SEMA5A: variants seen among roughly 807,000 people sequenced by gnomAD.
SEMA5A encodes semaphorin 5A, also known as semaphorin-5A.
In SEMA5A, 55 loss-of-function variants were observed where a neutral mutation model predicts 135.5. The ratio of observed to expected loss-of-function variants is 0.41; its 90% CI spans 0.33 to 0.51. The LOEUF is 0.51. Ranked by LOEUF, SEMA5A falls within the 20% of genes least tolerant of loss-of-function variation. The probability of loss-of-function intolerance (pLI) is 0.37; values close to 1 mark genes in which losing one functional copy is unlikely to be tolerated. For missense variants in SEMA5A, 1,290 were observed against 1,419.9 expected, an observed-to-expected ratio of 0.91 and a Z score of 1.47; for synonymous variants, 580 against 546.5, an observed-to-expected ratio of 1.06 and a Z score of -0.85.
Position 9,228,314 on chromosome 5 carries a change from C to T in SEMA5A, c.334-1347G>A, listed in dbSNP as rs79790265. Among the ~76,000 whole-genome samples, 664 of 152,236 alleles carry T rather than the reference C, an allele frequency of 4.4e-3. 3 individuals carry two copies. Among genetic ancestry groups the T allele is most frequent in the Non-Finnish European group, 6.9e-3 (471 of 68,010 alleles). On this transcript the variant is annotated intron_variant, in intron 6 of 22. Coordinates refer to ENST00000382496, the MANE Select transcript of SEMA5A (RefSeq NM_003966.3). Reference sequence around the variant, plus strand: ...TTAGTGAGGCTTCCTGGAGGGGGTGCTTGTAGGACACCTGTTGGACTTTAC... The same window carrying T: ...TTAGTGAGGCTTCCTGGAGGGGGTGTTTGTAGGACACCTGTTGGACTTTAC...
At chr5:9,505,515 T>C (rs1735828006) in intron 1 of SEMA5A, among the ~76,000 whole-genome samples, 1 of 152,198 alleles carries the variant, frequency 6.6e-6, no homozygotes, top group Non-Finnish European at 1.5e-5. Context: ...CTTGGAAGGC[T>C]TCTTGATTGA....
intron 5 of SEMA5A, among the ~76,000 whole-genome samples, chr5:9,297,822 AAATCACTGGGGTTACAGGTGTG>A (rs929865032): frequency 6.6e-6 from 1 of 151,606 alleles, no homozygotes; most frequent in African/African-American, 2.4e-5. Context: ...TTGGCCACCC[AAATCACTGGGGTTACAGGTGTG>A]AATCACTGGG....
intron 10 of SEMA5A, 43 bp from the exon 11 acceptor site, chr5:9,190,514 G>A (rs956059044): frequency 6.3e-7 from 1 of 1,595,430 alleles, no homozygotes. Context: ...CGGCAGCCTG[G>A]ACACCCACAG....
intron 1 of SEMA5A, among the ~76,000 whole-genome samples, chr5:9,523,825 C>T (rs1254177235): frequency 1.3e-5 from 2 of 152,242 alleles, no homozygotes; most frequent in Admixed American, 6.5e-5. Context: ...GCTCCGCTCC[C>T]TTACAGATGG....
At chr5:9,462,487 A>C (rs1460095312) in intron 1 of SEMA5A, among the ~76,000 whole-genome samples, 1 of 152,214 alleles carries the variant, frequency 6.6e-6, no homozygotes, top group Non-Finnish European at 1.5e-5. Context: ...ACATACCCAA[A>C]GGAATATATA....
chr5:9,335,803 T>C (rs548690000), intron 4 of SEMA5A, among the ~76,000 whole-genome samples: 29 of 152,192 alleles, frequency 1.9e-4, no homozygotes, highest in Admixed American at 1.2e-3. Flanking sequence ...GAGGGGAACA[T>C]AGACAAATTC....
chr5:9,077,181 G>A (rs1738115352), intron 16 of SEMA5A, among the ~76,000 whole-genome samples: 1 of 152,066 alleles, frequency 6.6e-6, no homozygotes, highest in South Asian at 2.1e-4. Flanking sequence ...CATATAAGAG[G>A]ATAGAGAAGC....
In SEMA5A at chr5:9,185,884, C is replaced by T. The variant is rs148715214; in HGVS notation, c.1273+4383G>A. ...GCCATGCTGTGGAAAAAGCCCAGAG[C>T]GGCAGCCACATGTCTGGACCAGGAG... On this transcript the variant is annotated intron_variant, in intron 11 of 22. Transcript: ENST00000382496. Among the ~76,000 whole-genome samples, 307 of 152,218 alleles carry T rather than the reference C, an allele frequency of 2.0e-3. 5 individuals are homozygous for T. The highest frequency in any genetic ancestry group is 6.9e-3 in the African/African-American group (287 of 41,528).
chr5:9,149,440 T>TA (rs1214436468), intron 12 of SEMA5A, among the ~76,000 whole-genome samples: 1 of 152,138 alleles, frequency 6.6e-6, no homozygotes, highest in East Asian at 1.9e-4. Flanking sequence ...GATCAGGAGT[T>TA]AAAGACCATC....
intron 7 of SEMA5A, 108 bp downstream of exon 7, chr5:9,226,761 G>A: frequency 1.3e-6 from 1 of 777,502 alleles, no homozygotes; most frequent in Non-Finnish European, 2.1e-6. Flanking sequence ...CTTTAGAATT[G>A]AACAGCAACA....
At chr5:9,129,174 G>T (rs1335458507) in intron 13 of SEMA5A, among the ~76,000 whole-genome samples, 1 of 152,180 alleles carries the variant, frequency 6.6e-6, no homozygotes, top group African/African-American at 2.4e-5. Flanking sequence ...ATAAGTGATG[G>T]CTAATGAAAG....
intron 6 of SEMA5A, among the ~76,000 whole-genome samples, chr5:9,227,972 T>G (rs1256279072): frequency 1.3e-5 from 2 of 152,202 alleles, no homozygotes; most frequent in African/African-American, 4.8e-5. Flanking sequence ...GTACTTTTTG[T>G]GGTTGCAAAG....
intron 1 of SEMA5A, among the ~76,000 whole-genome samples, chr5:9,446,412 C>T (rs934084430): frequency 6.6e-5 from 10 of 152,076 alleles, no homozygotes; most frequent in African/African-American, 1.9e-4. Context: ...TTCTGTTATG[C>T]GCTCTCTAAG....
intron 4 of SEMA5A, among the ~76,000 whole-genome samples, chr5:9,320,106 C>T (rs1752561734): frequency 6.6e-6 from 1 of 152,174 alleles, no homozygotes; most frequent in South Asian, 2.1e-4. Context: ...CAGTTTGCCT[C>T]CTCACATGGG....
chr5:9,273,209 T>C (rs1359116407), intron 5 of SEMA5A, among the ~76,000 whole-genome samples: 2 of 151,910 alleles, frequency 1.3e-5, no homozygotes, highest in Non-Finnish European at 2.9e-5. Context: ...TATCAATAGC[T>C]GAATCAATTA....
intron 3 of SEMA5A, among the ~76,000 whole-genome samples, chr5:9,344,760 AT>A (rs1443234237): frequency 1.3e-5 from 2 of 152,234 alleles, no homozygotes; most frequent in South Asian, 2.1e-4. Flanking sequence ...GTTGGAAAAT[AT>A]GAGGCCAATT....
chr5:9,391,258 C>G (rs956340973), intron 2 of SEMA5A, among the ~76,000 whole-genome samples: 2 of 152,202 alleles, frequency 1.3e-5, no homozygotes, highest in African/African-American at 4.8e-5. Context: ...AGGATTTAAT[C>G]CAGCAAATGA....
intron 12 of SEMA5A, among the ~76,000 whole-genome samples, chr5:9,138,338 T>C (rs2150223947): frequency 6.6e-6 from 1 of 152,304 alleles, no homozygotes; most frequent in Non-Finnish European, 1.5e-5. Context: ...CATGCTTGTG[T>C]ACACATATCT....
chr5:9,341,685 TAA>T (rs1753663589), intron 3 of SEMA5A, among the ~76,000 whole-genome samples: 1 of 147,778 alleles, frequency 6.8e-6, no homozygotes, highest in Non-Finnish European at 1.5e-5. Flanking sequence ...TATATATATA[TAA>T]AATTGGAAGT....
Sources: gnomAD v4.1 joint callset for allele counts (sites outside exome capture counted in the v4.1 genomes callset) on GRCh38, gnomAD v4.1.1 for gene constraint, MANE v1.5 for transcripts, NCBI Gene and HGNC (gene_info 2026-07-23, HGNC 2026-07-21) for gene names.